Variants in RNF150 observed in about 807,000 individuals in gnomAD.
The protein encoded by RNF150 is ring finger protein 150.
Under a neutral mutation model 39.3 loss-of-function variants are expected in RNF150, and 24 were observed. The observed-to-expected ratio is 0.61, with a 90% CI of 0.44 to 0.86. The LOEUF is 0.86. Ranked by LOEUF, RNF150 falls within the 40% of genes least tolerant of loss-of-function variation. The pLI is 0.00. For synonymous variants in RNF150, 255 were observed against 227.3 expected (o/e 1.12, Z -1.10); for missense variants, 502 against 587.8 (o/e 0.85, Z 1.51).
At chr4:140,983,320 T>G (rs759445532) in intron 1 of RNF150, among the ~76,000 whole-genome samples, 2 of 152,142 alleles carry the variant, frequency 1.3e-5, no homozygotes, top group Non-Finnish European at 2.9e-5. Context: ...GGGGTGGTCA[T>G]TCTAACACTA....
intron 1 of RNF150, among the ~76,000 whole-genome samples, chr4:140,970,307 A>T (rs1374238219): frequency 2.0e-5 from 3 of 152,076 alleles, no homozygotes; most frequent in Non-Finnish European, 4.4e-5. Context: ...TTAGGATGCA[A>T]TTTTTTCCCC....
intron 1 of RNF150, among the ~76,000 whole-genome samples, chr4:141,078,657 G>A (rs1310940803): frequency 6.6e-6 from 1 of 150,946 alleles, no homozygotes; most frequent in East Asian, 1.9e-4. Flanking sequence ...GGGCGCGGTG[G>A]CAGGCACCTG....
At chr4:141,200,021 A>G (rs1269506418) in intron 1 of RNF150, among the ~76,000 whole-genome samples, 1 of 152,198 alleles carries the variant, frequency 6.6e-6, no homozygotes, top group Non-Finnish European at 1.5e-5. Flanking sequence ...GTTGAAGTAC[A>G]GAAGATTGAA....
chr4:141,181,358 T>C (rs924446486), intron 1 of RNF150, among the ~76,000 whole-genome samples: 2 of 152,220 alleles, frequency 1.3e-5, no homozygotes, highest in Admixed American at 1.3e-4. Flanking sequence ...AGAATCCATA[T>C]AATATTCCTG....
chr4:140,929,358 GTTTTTTTTTTTTTTTT>G (rs532514901), intron 4 of RNF150, among the ~76,000 whole-genome samples: 1 of 51,572 alleles, frequency 1.9e-5, no homozygotes, highest in Admixed American at 3.2e-4. Flanking sequence ...TGGATGCTAA[GTTTTTTTTTTTTTTTT>G]TTTTTTTTTT....
chr4:141,147,200 G>T (rs1449778841), intron 1 of RNF150, among the ~76,000 whole-genome samples: 1 of 152,166 alleles, frequency 6.6e-6, no homozygotes, highest in East Asian at 1.9e-4. Flanking sequence ...AAGTAATACT[G>T]GTTTGTCAAC....
intron 5 of RNF150, among the ~76,000 whole-genome samples, chr4:140,918,825 A>G (rs892077996): frequency 6.6e-6 from 1 of 152,198 alleles, no homozygotes; most frequent in Admixed American, 6.5e-5. Context: ...CACATCAAAA[A>G]GCTTATCCAC....
chr4:140,963,390 T>C (rs1733113439), intron 2 of RNF150, among the ~76,000 whole-genome samples: 1 of 152,082 alleles, frequency 6.6e-6, no homozygotes, highest in Non-Finnish European at 1.5e-5. Context: ...TCTGTAGTGA[T>C]AAAAATGTCC....
At chr4:140,974,386 C>A (rs1733585953) in intron 1 of RNF150, among the ~76,000 whole-genome samples, 2 of 152,180 alleles carry the variant, frequency 1.3e-5, no homozygotes, top group Admixed American at 6.5e-5. Flanking sequence ...GAATGTGGTA[C>A]ACCACAGTTT....
At chr4:141,102,588 T>C (rs938087626) in intron 1 of RNF150, among the ~76,000 whole-genome samples, 2 of 152,146 alleles carry the variant, frequency 1.3e-5, no homozygotes, top group Non-Finnish European at 2.9e-5. Context: ...AGAATAACCT[T>C]ATCCTCAAAC....
At chr4:141,056,367 T>C (rs1736972348) in intron 1 of RNF150, among the ~76,000 whole-genome samples, 1 of 152,080 alleles carries the variant, frequency 6.6e-6, no homozygotes, top group African/African-American at 2.4e-5. Context: ...GAGACTCCCA[T>C]CTCTATTTTT....
intron 1 of RNF150, among the ~76,000 whole-genome samples, chr4:141,122,908 A>G (rs986003663): frequency 1.3e-5 from 2 of 152,272 alleles, no homozygotes; most frequent in Non-Finnish European, 2.9e-5. Context: ...GCTGCAGGAC[A>G]GTAAACACAT....
intron 1 of RNF150, among the ~76,000 whole-genome samples, chr4:141,130,777 T>C (rs4956519): frequency 0.064 from 9,724 of 152,300 alleles, 387 homozygotes; most frequent in Middle Eastern, 0.095. Flanking sequence ...TATCTAAAGA[T>C]GCTTTACATG....
intron 4 of RNF150, among the ~76,000 whole-genome samples, chr4:140,945,518 C>T (rs1365622199): frequency 6.7e-6 from 1 of 148,810 alleles, no homozygotes; most frequent in Non-Finnish European, 1.5e-5. Context: ...TATACACACA[C>T]TACATATATA....
intron 6 of RNF150, among the ~76,000 whole-genome samples, chr4:140,896,790 A>AATTAC (rs1366561711): frequency 1.3e-5 from 2 of 152,038 alleles, no homozygotes; most frequent in Non-Finnish European, 2.9e-5. Context: ...ATGATTCTAG[A>AATTAC]ATTACGGCTT....
At chr4:141,054,746 C>A (rs1736905507) in intron 1 of RNF150, among the ~76,000 whole-genome samples, 3 of 152,088 alleles carry the variant, frequency 2.0e-5, no homozygotes, top group Non-Finnish European at 1.5e-5. Flanking sequence ...AATCTACAGG[C>A]CTATAAATCT....
chr4:140,954,758 C>A (rs1197405120), intron 2 of RNF150, among the ~76,000 whole-genome samples: 1 of 152,026 alleles, frequency 6.6e-6, no homozygotes, highest in Non-Finnish European at 1.5e-5. Context: ...AATTAGTAAT[C>A]TAAATATTTA....
At chr4:141,089,809 C>T (rs555844215) in intron 1 of RNF150, among the ~76,000 whole-genome samples, 1 of 152,290 alleles carries the variant, frequency 6.6e-6, no homozygotes, top group South Asian at 2.1e-4. Flanking sequence ...CAAACTCTTA[C>T]TTTCGTTCTA....
intron 1 of RNF150, among the ~76,000 whole-genome samples, chr4:141,042,785 C>A (rs1736419336): frequency 6.6e-6 from 1 of 152,036 alleles, no homozygotes; most frequent in South Asian, 2.1e-4. Context: ...CCCTTCCGCC[C>A]ATGTGTTCTG....
Sources: gnomAD v4.1 joint callset for allele counts (sites outside exome capture counted in the v4.1 genomes callset) on GRCh38, gnomAD v4.1.1 for gene constraint, MANE v1.5 for transcripts, NCBI Gene and HGNC (gene_info 2026-07-23, HGNC 2026-07-21) for gene names.